RASSF3: variants seen among roughly 807,000 people sequenced by gnomAD.
The protein encoded by RASSF3 is Ras association domain family member 3, also known as ras association domain-containing protein 3.
A neutral mutation model predicts 19.9 loss-of-function variants in RASSF3; 19 were observed. That is an observed-to-expected ratio of 0.96 (90% CI 0.67 to 1.40). The LOEUF is 1.40. RASSF3 is among the 40% of genes most tolerant of loss of function. The probability of loss-of-function intolerance (pLI) is 0.00; values close to 1 mark genes in which losing one functional copy is unlikely to be tolerated. For synonymous variants in RASSF3, 110 were observed against 104.2 expected, an observed-to-expected ratio of 1.06 and a Z score of -0.34; for missense variants, 306 against 289.8, an observed-to-expected ratio of 1.06 and a Z score of -0.41.
rs1021870531 is a variant in RASSF3, at chr12:64,633,387, G to T, written c.111+22644G>T. On this transcript the variant is annotated intron_variant, in intron 1 of 4. Coordinates refer to ENST00000542104, the MANE Select transcript of RASSF3 (RefSeq NM_178169.4). ...TGAATGGCTTAGTACCACCTCCTTG[G>T]TGATATGTGAGTTCTTACTCTGTTC... is the stretch of plus-strand genomic sequence containing the variant. Among the ~76,000 whole-genome samples the T allele has an allele frequency of 9.2e-5, 14 of 152,124 alleles. 1 individual carries two copies. Among genetic ancestry groups the T allele is most frequent in the Admixed American group, 7.9e-4 (12 of 15,260 alleles).
At chr12:64,674,543 T>A (rs1872813017) in intron 1 of RASSF3, among the ~76,000 whole-genome samples, 1 of 152,186 alleles carries the variant, frequency 6.6e-6, no homozygotes, top group Admixed American at 6.6e-5. Context: ...GTGGCCCCAC[T>A]GCACCTCAGC....
chr12:64,613,741 T>A (rs1870453167), intron 1 of RASSF3, among the ~76,000 whole-genome samples: 8 of 151,406 alleles, frequency 5.3e-5, no homozygotes, highest in Admixed American at 5.3e-4. Flanking sequence ...AGCCCAGGAG[T>A]TTGAGACCAG....
intron 2 of RASSF3, among the ~76,000 whole-genome samples, chr12:64,589,275 C>A (rs1162931731): frequency 2.0e-5 from 3 of 151,926 alleles, no homozygotes; most frequent in African/African-American, 7.3e-5. Context: ...CATGGTGAAA[C>A]CCCATCTCTA....
At chr12:64,511,665 C>A (rs1374393131) in intron 1 of RASSF3, among the ~76,000 whole-genome samples, 1 of 152,218 alleles carries the variant, frequency 6.6e-6, no homozygotes, top group African/African-American at 2.4e-5. Flanking sequence ...ATCACTTTCA[C>A]AGCCTACCTC....
exon 2 of RASSF3, chr12:64,541,618 G>C (rs578048294): frequency 5.0e-6 from 2 of 398,516 alleles, no homozygotes; most frequent in Non-Finnish European, 8.8e-6. Context: ...GCCGAGACCT[G>C]GTACATCTGG....
chr12:64,648,523 T>C (rs543211382), intron 1 of RASSF3, among the ~76,000 whole-genome samples: 1 of 151,598 alleles, frequency 6.6e-6, no homozygotes, highest in Non-Finnish European at 1.5e-5. Flanking sequence ...CATAAAGCTT[T>C]TTTTTTTTTT....
At chr12:64,605,479 A>G (rs1434484619) in intron 2 of RASSF3, among the ~76,000 whole-genome samples, 3 of 152,176 alleles carry the variant, frequency 2.0e-5, no homozygotes, top group Non-Finnish European at 2.9e-5. Flanking sequence ...GATTCTACCA[A>G]TGTCAATGGA....
At chr12:64,668,272 T>TTCTTCTTCTTCTTC (rs749089590) in intron 1 of RASSF3, among the ~76,000 whole-genome samples, 18 of 126,254 alleles carry the variant, frequency 1.4e-4, no homozygotes, top group African/African-American at 4.2e-4. Context: ...CTTCTTCTTC[T>TTCTTCTTCTTCTTC]TTTTTTTTTT....
chr12:64,562,187 T>G (rs1869359829), intron 2 of RASSF3, among the ~76,000 whole-genome samples: 1 of 151,896 alleles, frequency 6.6e-6, no homozygotes, highest in Admixed American at 6.6e-5. Context: ...ACTACAGGCG[T>G]GCGCCACCGC....
chr12:64,599,042 T>C (rs186508693), intron 2 of RASSF3: 46 of 152,230 alleles, frequency 3.0e-4, no homozygotes, highest in Non-Finnish European at 2.6e-4. Flanking sequence ...CCCCTCTCTA[T>C]CTCTTGACGC....
At chr12:64,674,827 G>A (rs1364089329) in intron 1 of RASSF3, among the ~76,000 whole-genome samples, 1 of 152,084 alleles carries the variant, frequency 6.6e-6, no homozygotes, top group Non-Finnish European at 1.5e-5. Flanking sequence ...TGCTGACTGG[G>A]TAGGGCAGTA....
In RASSF3 at chr12:64,507,270, C is replaced by A; in HGVS notation, c.110C>A (p.Pro37His). The change falls in exon 1 of 6, where the codon CCC becomes CAC. Residue 37 changes from proline (P) to histidine (H), a missense_variant. Physicochemically the swap from Pro to His is moderately conservative, Grantham distance 77. Coordinates refer to the RASSF3 transcript ENST00000637125. ...ATAGCCCGGCTCTTTTACTGGTTCC[C>A]CAAATCACTGACCTGCTCAAAGAAT... is the stretch of plus-strand genomic sequence containing the variant. The A allele has an allele frequency of 7.5e-6, 3 of 398,646 alleles. No homozygotes were observed. In the Admixed American group the frequency reaches 1.3e-4, roughly 18 times the overall value. The allele number at this position is 398,646 out of a possible 1,614,324, so 24.7% of individuals were successfully genotyped here.
intron 1 of RASSF3, among the ~76,000 whole-genome samples, chr12:64,642,287 C>T (rs981555361): frequency 3.3e-5 from 5 of 151,664 alleles, no homozygotes; most frequent in East Asian, 1.9e-4. Flanking sequence ...GGGCCGGGCC[C>T]GGTTTCTCAT....
At chr12:64,585,217 CT>C (rs1869774893) in intron 2 of RASSF3, among the ~76,000 whole-genome samples, 1 of 152,078 alleles carries the variant, frequency 6.6e-6, no homozygotes, top group African/African-American at 2.4e-5. Flanking sequence ...CAGATTACAT[CT>C]GATGTTAAAA....
intron 1 of RASSF3, among the ~76,000 whole-genome samples, chr12:64,516,998 C>CAAA (rs371430838): frequency 1.1e-3 from 56 of 51,740 alleles, no homozygotes; most frequent in East Asian, 2.5e-3. Flanking sequence ...AAATCTGTCT[C>CAAA]AAAAAAAAAA....
At chr12:64,508,148 T>C (rs1283489862) in intron 1 of RASSF3, among the ~76,000 whole-genome samples, 1 of 150,962 alleles carries the variant, frequency 6.6e-6, no homozygotes, top group East Asian at 1.9e-4. Context: ...ACTTAAGATG[T>C]ATTATGTGTT....
At chr12:64,579,614 G>A (rs1417104949) in intron 2 of RASSF3, among the ~76,000 whole-genome samples, 2 of 152,058 alleles carry the variant, frequency 1.3e-5, no homozygotes, top group African/African-American at 4.8e-5. Flanking sequence ...GCCTTCCAAA[G>A]TGCTGGGATT....
chr12:64,509,858 G>A (rs745470164), intron 1 of RASSF3, among the ~76,000 whole-genome samples: 12 of 152,038 alleles, frequency 7.9e-5, no homozygotes, highest in Non-Finnish European at 8.8e-5. Context: ...AGGCCAAGGC[G>A]GGCGGATCGC....
chr12:64,562,283 C>T (rs1031546557), intron 2 of RASSF3, among the ~76,000 whole-genome samples: 13 of 152,040 alleles, frequency 8.6e-5, no homozygotes, highest in African/African-American at 1.7e-4. Context: ...TCAAGTTATC[C>T]GCCCGCCTCG....
Sources: allele counts gnomAD v4.1 joint callset (sites outside exome capture counted in the v4.1 genomes callset), GRCh38; gene constraint gnomAD v4.1.1; transcripts MANE v1.5; gene names NCBI Gene and HGNC (gene_info 2026-07-23, HGNC 2026-07-21).